The following SGCZ variants were observed in gnomAD, a reference collection of about 807,000 sequenced individuals.
SGCZ encodes sarcoglycan zeta.
A neutral mutation model predicts 41.3 loss-of-function variants in SGCZ; 40 were observed. The observed-to-expected ratio is 0.97, with a 90% CI of 0.75 to 1.26. The LOEUF is 1.26. SGCZ is among the 50% of genes most tolerant of loss of function. The pLI is 0.00. For missense variants in SGCZ, 552 were observed against 369.8 expected, an observed-to-expected ratio of 1.49 and a Z score of -4.04; for synonymous variants, 206 against 137.5, an observed-to-expected ratio of 1.50 and a Z score of -3.49.
At chr8:14,107,007 G>GAGAT (rs1039598879) in intron 6 of SGCZ, among the ~76,000 whole-genome samples, 6 of 152,076 alleles carry the variant, frequency 3.9e-5, no homozygotes, top group South Asian at 2.1e-4. Context: ...AGAAGGTCAG[G>GAGAT]AGATAGAGAC....
intron 4 of SGCZ, among the ~76,000 whole-genome samples, chr8:14,229,886 G>T (rs34635812): frequency 1.3e-5 from 2 of 151,864 alleles, no homozygotes; most frequent in African/African-American, 4.8e-5. Flanking sequence ...ACATGTTTAT[G>T]CTTAGCACTA....
intron 4 of SGCZ, among the ~76,000 whole-genome samples, chr8:14,181,789 C>A (rs1292407206): frequency 2.0e-5 from 3 of 152,196 alleles, no homozygotes; most frequent in African/African-American, 4.8e-5. Flanking sequence ...AACTGTGAGT[C>A]AGTTAAACAT....
intron 3 of SGCZ, among the ~76,000 whole-genome samples, chr8:14,288,002 C>T (rs1018877241): frequency 3.3e-5 from 5 of 152,008 alleles, no homozygotes; most frequent in African/African-American, 9.7e-5. Context: ...TTTTTACCTA[C>T]TATTTATGAG....
At chr8:14,915,617 A>G (rs1346410944) in intron 1 of SGCZ, among the ~76,000 whole-genome samples, 1 of 152,140 alleles carries the variant, frequency 6.6e-6, no homozygotes, top group Non-Finnish European at 1.5e-5. Flanking sequence ...CATTTGTGTT[A>G]AGATTAGGGC....
chr8:14,296,072 G>C (rs1372644247), intron 3 of SGCZ, among the ~76,000 whole-genome samples: 1 of 152,084 alleles, frequency 6.6e-6, no homozygotes, highest in Admixed American at 6.6e-5. Context: ...TTAGAATTGA[G>C]ACCACAGAAA....
At chr8:14,696,036 G>A (rs994372539) in intron 1 of SGCZ, among the ~76,000 whole-genome samples, 2 of 152,036 alleles carry the variant, frequency 1.3e-5, no homozygotes, top group African/African-American at 4.8e-5. Context: ...TACATATCCA[G>A]AGAGCTCCCG....
At chr8:14,685,691 T>C (rs997109217) in intron 1 of SGCZ, among the ~76,000 whole-genome samples, 1 of 152,130 alleles carries the variant, frequency 6.6e-6, no homozygotes, top group Admixed American at 6.6e-5. Flanking sequence ...AACACCAATA[T>C]TGGTATCTAT....
At chr8:14,675,485 T>A (rs1808245613) in intron 1 of SGCZ, among the ~76,000 whole-genome samples, 1 of 152,156 alleles carries the variant, frequency 6.6e-6, no homozygotes, top group South Asian at 2.1e-4. Flanking sequence ...TTAAATGGCT[T>A]ATTTATTGAC....
chr8:14,656,920 A>G (rs1234818539), intron 1 of SGCZ, among the ~76,000 whole-genome samples: 1 of 151,998 alleles, frequency 6.6e-6, no homozygotes, highest in African/African-American at 2.4e-5. Flanking sequence ...AAAAATTAAA[A>G]TACTAGAAAC....
In SGCZ at chr8:14,297,737, A is replaced by G. The variant is rs539273093; in HGVS notation, c.336+26366T>C. Among the ~76,000 whole-genome samples, 14 of 152,236 alleles carry G rather than the reference A, an allele frequency of 9.2e-5. No individual in the cohort carries two copies. The South Asian group carries it at 2.9e-3, about 32-fold the overall frequency. On this transcript the variant is annotated intron_variant, in intron 3 of 7. Transcript: ENST00000382080. ...CTAAGTAACTATATCTGATCCATTT[A>G]AACGGCTATATCTGGGAAGAAAGCT...
At chr8:14,599,422 G>A (rs6987209) in intron 1 of SGCZ, among the ~76,000 whole-genome samples, 8 of 152,186 alleles carry the variant, frequency 5.3e-5, no homozygotes, top group African/African-American at 1.7e-4. Flanking sequence ...AGGTAAATGT[G>A]GAAAGTCACA....
intron 1 of SGCZ, among the ~76,000 whole-genome samples, chr8:15,044,957 A>G (rs1442100070): frequency 1.3e-5 from 2 of 152,138 alleles, no homozygotes; most frequent in East Asian, 3.9e-4. Flanking sequence ...AATTTGTACT[A>G]CAAAAAGTAA....
rs143598703 is a variant in SGCZ, at chr8:14,887,480, T to C, written c.40-332554A>G. Among the ~76,000 whole-genome samples, 603 of 152,348 alleles carry C rather than the reference T, an allele frequency of 4.0e-3. 3 individuals are homozygous for C. The highest frequency in any genetic ancestry group is 0.014 in the African/African-American group (575 of 41,582). On this transcript the variant is annotated intron_variant, in intron 1 of 7. Coordinates refer to ENST00000382080, the MANE Select transcript of SGCZ (RefSeq NM_139167.4). ...TTTTTAGGCCTTCATTCTGCATTAATTTGATTACTGGTAAGGATATTATTG... is the reference window on the plus strand; with the variant it reads ...TTTTTAGGCCTTCATTCTGCATTAACTTGATTACTGGTAAGGATATTATTG...
At chr8:14,972,437 G>A (rs866678601) in intron 1 of SGCZ, among the ~76,000 whole-genome samples, 3 of 151,908 alleles carry the variant, frequency 2.0e-5, no homozygotes, top group Non-Finnish European at 4.4e-5. Context: ...CATGGAATTG[G>A]GTCTTGACAT....
In SGCZ at chr8:14,511,332, G is replaced by A. The variant is rs368781830; in HGVS notation, c.234+43400C>T. Among the ~76,000 whole-genome samples the A allele has an allele frequency of 3.9e-5, 6 of 151,986 alleles. No homozygotes were observed. The East Asian group carries it at 7.8e-4, about 20-fold the overall frequency. ...ACTCTATGGCTACGTTTTATGGATT[G>A]GGAGATTTTACTTTTAATTATATTT... is the stretch of plus-strand genomic sequence containing the variant. On this transcript the variant is annotated intron_variant, in intron 2 of 7. Coordinates refer to ENST00000382080, the MANE Select transcript of SGCZ (RefSeq NM_139167.4).
chr8:15,038,597 A>C (rs535608702), intron 1 of SGCZ, among the ~76,000 whole-genome samples: 1 of 152,196 alleles, frequency 6.6e-6, no homozygotes, highest in East Asian at 1.9e-4. Context: ...AAAAGCAAAA[A>C]TAGGCAAATG....
chr8:14,243,387 C>A (rs544245685), intron 3 of SGCZ, among the ~76,000 whole-genome samples: 1 of 152,168 alleles, frequency 6.6e-6, no homozygotes, highest in Non-Finnish European at 1.5e-5. Context: ...TCCATGCCTA[C>A]TTCTCTAACA....
chr8:15,195,456 T>C (rs1313251693), intron 1 of SGCZ, among the ~76,000 whole-genome samples: 2 of 152,202 alleles, frequency 1.3e-5, no homozygotes, highest in African/African-American at 4.8e-5. Flanking sequence ...GCAAGCTCAT[T>C]TTCATGCCCA....
At chr8:14,211,650 G>GGAGAGA (rs35869144) in intron 4 of SGCZ, among the ~76,000 whole-genome samples, 12 of 150,060 alleles carry the variant, frequency 8.0e-5, no homozygotes, top group African/African-American at 2.0e-4. Flanking sequence ...CAATTAAGCA[G>GGAGAGA]GAGAGAGAGA....
Sources: allele counts gnomAD v4.1 joint callset (sites outside exome capture counted in the v4.1 genomes callset), GRCh38; gene constraint gnomAD v4.1.1; transcripts MANE v1.5; gene names NCBI Gene and HGNC (gene_info 2026-07-23, HGNC 2026-07-21).